Variants in METTL15 observed in about 807,000 individuals in gnomAD.
METTL15 encodes methyltransferase 15, mitochondrial 12S rRNA N4-cytidine.
METTL15 carries 34 observed loss-of-function variants against 38.3 expected under a neutral mutation model. The ratio of observed to expected loss-of-function variants is 0.89; its 90% confidence interval spans 0.68 to 1.18. METTL15 has a LOEUF of 1.18. METTL15 is among the 50% of genes most tolerant of loss of function. METTL15 has a pLI of 0.00. For synonymous variants in METTL15, 162 were observed against 170.9 expected (o/e 0.95, Z 0.41); for missense variants, 438 against 498.4 (o/e 0.88, Z 1.15).
At chr11:28,111,760 T>A (rs1290123919) in intron 2 of METTL15, among the ~76,000 whole-genome samples, 1 of 152,214 alleles carries the variant, frequency 6.6e-6, no homozygotes, top group Non-Finnish European at 1.5e-5. Context: ...AGGTAGCGCA[T>A]GTAGTGTGGT....
intron 6 of METTL15, among the ~76,000 whole-genome samples, chr11:28,523,203 C>T (rs1354318897): frequency 6.6e-6 from 1 of 152,212 alleles, no homozygotes; most frequent in East Asian, 1.9e-4. Context: ...AACCTATTCC[C>T]TTGTGCTCTT....
intron 3 of METTL15, among the ~76,000 whole-genome samples, chr11:28,143,427 T>C (rs1440224711): frequency 6.6e-6 from 1 of 152,174 alleles, no homozygotes; most frequent in Admixed American, 6.5e-5. Flanking sequence ...TTCTCATCTT[T>C]TGTTTTCATC....
intron 5 of METTL15, among the ~76,000 whole-genome samples, chr11:28,385,261 G>A (rs1280788500): frequency 6.6e-6 from 1 of 152,054 alleles, no homozygotes; most frequent in Non-Finnish European, 1.5e-5. Flanking sequence ...GTCTTCCAGG[G>A]TTGTATTCTT....
At chr11:28,290,016 C>G (rs1309660316) in intron 4 of METTL15, among the ~76,000 whole-genome samples, 190 bp from the exon 5 acceptor site, 7 of 152,120 alleles carry the variant, frequency 4.6e-5, no homozygotes, top group Admixed American at 4.6e-4. Flanking sequence ...TACATTAAAC[C>G]AGCTCTGGTG....
At chr11:28,440,454 A>G (rs937834107) in intron 6 of METTL15, among the ~76,000 whole-genome samples, 1 of 152,228 alleles carries the variant, frequency 6.6e-6, no homozygotes, top group Non-Finnish European at 1.5e-5. Flanking sequence ...GTCTTTATAT[A>G]AATTAAGTTT....
chr11:28,380,685 G>A (rs543133904), intron 5 of METTL15, among the ~76,000 whole-genome samples: 2 of 152,174 alleles, frequency 1.3e-5, no homozygotes, highest in South Asian at 2.1e-4. Flanking sequence ...CTTATTAAAA[G>A]CATCTTATTG....
At chr11:28,387,831 C>A (rs1850456475) in intron 5 of METTL15, among the ~76,000 whole-genome samples, 1 of 152,040 alleles carries the variant, frequency 6.6e-6, no homozygotes, top group South Asian at 2.1e-4. Context: ...AGGATTTAGT[C>A]CTGCAATGCA....
intron 6 of METTL15, among the ~76,000 whole-genome samples, chr11:28,466,071 G>T (rs1364425757): frequency 1.3e-5 from 2 of 152,096 alleles, no homozygotes; most frequent in African/African-American, 4.8e-5. Context: ...AATTGAAGTC[G>T]GGGGGATCTT....
At chr11:28,507,631 A>G (rs1851639715) in intron 6 of METTL15, among the ~76,000 whole-genome samples, 1 of 152,196 alleles carries the variant, frequency 6.6e-6, no homozygotes, top group East Asian at 1.9e-4. Flanking sequence ...TTCATTTTCA[A>G]AAAATCTCCC....
chr11:28,469,435 T>C lies in METTL15; in HGVS notation c.*424+45071T>C, dbSNP rs560887409. ...TGTTGTATGGTGAGAACACTTGAGA[T>C]TTCTCTTAGTAAATTTCAAGTATGC... On this transcript the variant is annotated intron_variant and NMD_transcript_variant, in intron 6 of 7. Transcript: ENST00000532947. Among the ~76,000 whole-genome samples, 176 of 152,254 alleles carry C rather than the reference T, an allele frequency of 1.2e-3. 3 individuals carry two copies. The highest frequency in any genetic ancestry group is 2.1e-3 in the Non-Finnish European group (141 of 68,014).
intron 5 of METTL15, among the ~76,000 whole-genome samples, chr11:28,389,247 A>G (rs1249507750): frequency 1.4e-5 from 2 of 148,058 alleles, no homozygotes; most frequent in African/African-American, 2.5e-5. Flanking sequence ...TTTTTTTATT[A>G]TACTTTAAGT....
chr11:28,455,144 T>C (rs937407477), intron 6 of METTL15, among the ~76,000 whole-genome samples: 1 of 151,010 alleles, frequency 6.6e-6, no homozygotes, highest in Non-Finnish European at 1.5e-5. Flanking sequence ...TTCTAATTCA[T>C]ACAAGAGTAC....
intron 3 of METTL15, among the ~76,000 whole-genome samples, chr11:28,176,120 A>T (rs1369341983): frequency 6.6e-6 from 1 of 151,990 alleles, no homozygotes; most frequent in African/African-American, 2.4e-5. Context: ...ATAGATTTTT[A>T]AAAATAAATT....
chr11:28,412,874 A>T (rs1393483857), intron 5 of METTL15, among the ~76,000 whole-genome samples: 2 of 152,034 alleles, frequency 1.3e-5, no homozygotes, highest in African/African-American at 4.8e-5. Flanking sequence ...AGATCTTGTT[A>T]AATGAGTAAA....
intron 6 of METTL15, among the ~76,000 whole-genome samples, chr11:28,474,260 T>C (rs1851326870): frequency 6.6e-6 from 1 of 151,842 alleles, no homozygotes; most frequent in African/African-American, 2.4e-5. Flanking sequence ...AATATTTATA[T>C]CCATTTTTCT....
chr11:28,475,544 ACC>A (rs1173558112), intron 6 of METTL15, among the ~76,000 whole-genome samples: 2 of 152,106 alleles, frequency 1.3e-5, no homozygotes, highest in Non-Finnish European at 2.9e-5. Context: ...ACATCCTGGT[ACC>A]CTACTTCAGT....
intron 3 of METTL15, among the ~76,000 whole-genome samples, chr11:28,141,609 A>G (rs968445992): frequency 3.3e-5 from 5 of 152,098 alleles, no homozygotes; most frequent in Admixed American, 6.6e-5. Context: ...GGATCGCTTG[A>G]TCTGGGATGT....
intron 5 of METTL15, among the ~76,000 whole-genome samples, chr11:28,366,203 A>T (rs1226274684): frequency 6.6e-6 from 1 of 152,110 alleles, no homozygotes; most frequent in Non-Finnish European, 1.5e-5. Context: ...AAAAAAAAAA[A>T]AATTATTAAG....
rs1003316231 is a variant in METTL15 at position 28,218,867 on chromosome 11, A to C, written c.407+7669A>C. ...TTTATATGCTGGAATACGTTTATTG[A>C]TTTGCGTATATTGAAGCAGCCTTGC... is the stretch of plus-strand genomic sequence containing the variant. On this transcript the variant is annotated intron_variant, in intron 4 of 6. Coordinates refer to ENST00000407364, the MANE Select transcript of METTL15 (RefSeq NM_001113528.2). Among the ~76,000 whole-genome samples the C allele has an allele frequency of 2.6e-5, 4 of 151,962 alleles. No individual in the cohort carries two copies. The East Asian group carries it at 7.7e-4, about 29-fold the overall frequency.
Sources: gnomAD v4.1 joint callset for allele counts (sites outside exome capture counted in the v4.1 genomes callset) on GRCh38, gnomAD v4.1.1 for gene constraint, MANE v1.5 for transcripts, NCBI Gene and HGNC (gene_info 2026-07-23, HGNC 2026-07-21) for gene names.